The following PRR16 variants were observed in gnomAD, a reference collection of about 807,000 sequenced individuals.
PRR16 encodes the protein proline rich 16.
PRR16 carries 6 observed loss-of-function variants against 18.2 expected under a neutral mutation model. That is an observed-to-expected ratio of 0.33 (90% CI 0.18 to 0.65). PRR16 has a LOEUF of 0.65. Among genes scored for constraint, PRR16 ranks in the 30% least tolerant of loss-of-function variants. The probability of loss-of-function intolerance (pLI) is 0.74; values close to 1 mark genes in which losing one functional copy is unlikely to be tolerated. For missense variants in PRR16, 412 were observed against 376.6 expected, an observed-to-expected ratio of 1.09 and a Z score of -0.78; for synonymous variants, 151 against 147.8, an observed-to-expected ratio of 1.02 and a Z score of -0.16.
chr5:120,702,868 T>C, the PRR16 span, among the ~76,000 whole-genome samples: 2 of 152,140 alleles, frequency 1.3e-5, no homozygotes, highest in South Asian at 2.1e-4. Context: ...GACCTGAGGT[T>C]GTAGGTGGAT....
At chr5:120,624,862 C>T (rs1187955981) in intron 1 of PRR16, among the ~76,000 whole-genome samples, 2 of 152,024 alleles carry the variant, frequency 1.3e-5, no homozygotes, top group African/African-American at 4.8e-5. Flanking sequence ...TGGATCTTTC[C>T]TTCACTGTTC....
chr5:120,557,967 G>C (rs1341236936), intron 1 of PRR16, among the ~76,000 whole-genome samples: 2 of 151,736 alleles, frequency 1.3e-5, no homozygotes, highest in South Asian at 2.1e-4. Flanking sequence ...ATAGGTTCTT[G>C]TTAGAAATTA....
chr5:120,712,259 T>C, the PRR16 span, among the ~76,000 whole-genome samples: 8,643 of 152,224 alleles, frequency 0.057, 316 homozygotes, highest in South Asian at 0.083. Flanking sequence ...TTTCAATATA[T>C]AATACACAAT....
chr5:120,664,263 C>A (rs1407796532), intron 1 of PRR16, among the ~76,000 whole-genome samples: 1 of 151,856 alleles, frequency 6.6e-6, no homozygotes, highest in Non-Finnish European at 1.5e-5. Flanking sequence ...CGCACCATTG[C>A]ACTCCAGCCT....
chr5:120,778,803 GA>G, the PRR16 span, among the ~76,000 whole-genome samples: 2 of 152,038 alleles, frequency 1.3e-5, no homozygotes, highest in Non-Finnish European at 2.9e-5. Context: ...AAAGCCAGAG[GA>G]AAAAAGAAGT....
chr5:120,778,897 G>A, the PRR16 span, among the ~76,000 whole-genome samples: 1 of 152,104 alleles, frequency 6.6e-6, no homozygotes, highest in Middle Eastern at 3.2e-3. Context: ...ATATTAGAGA[G>A]GGAAGTATTG....
At chr5:120,673,266 A>G (rs935598959) in intron 1 of PRR16, among the ~76,000 whole-genome samples, 1 of 152,200 alleles carries the variant, frequency 6.6e-6, no homozygotes, top group African/African-American at 2.4e-5. Flanking sequence ...TTTTTCCTAA[A>G]CAGCATTTCG....
At chr5:120,743,954 G>GC in the PRR16 span, among the ~76,000 whole-genome samples, 1,009 of 152,040 alleles carry the variant, frequency 6.6e-3, 10 homozygotes, top group African/African-American at 0.021. Context: ...TAGCAGTGTA[G>GC]CATTGGTCCT....
At chr5:120,691,316 T>C (rs1384677396), downstream of PRR16, among the ~76,000 whole-genome samples, 1 of 152,204 alleles carries the variant, frequency 6.6e-6, no homozygotes, top group East Asian at 1.9e-4. Flanking sequence ...TTACCTAATG[T>C]TGTTTTGACA....
At chr5:120,492,080 T>G (rs1287317829) in intron 1 of PRR16, among the ~76,000 whole-genome samples, 1 of 148,782 alleles carries the variant, frequency 6.7e-6, no homozygotes, top group African/African-American at 2.5e-5. Context: ...TGTTTTTTAT[T>G]TGTTTGTTTT....
chr5:120,635,605 G>A (rs765640076), intron 1 of PRR16, among the ~76,000 whole-genome samples: 4 of 152,096 alleles, frequency 2.6e-5, no homozygotes, highest in Admixed American at 6.6e-5. Flanking sequence ...AATTGGCACA[G>A]AAGGGACATA....
At chr5:120,697,847 G>T in the PRR16 span, among the ~76,000 whole-genome samples, 2 of 152,012 alleles carry the variant, frequency 1.3e-5, no homozygotes, top group Non-Finnish European at 2.9e-5. Flanking sequence ...CCTTAAGTTA[G>T]TCAAAACTTA....
chr5:120,734,211 G>A, the PRR16 span, among the ~76,000 whole-genome samples: 1 of 152,140 alleles, frequency 6.6e-6, no homozygotes, highest in Non-Finnish European at 1.5e-5. Flanking sequence ...TATTGGCTCC[G>A]GTGACCATCT....
chr5:120,542,853 A>G (rs1016311188), intron 1 of PRR16, among the ~76,000 whole-genome samples: 16 of 152,178 alleles, frequency 1.1e-4, no homozygotes, highest in African/African-American at 3.4e-4. Context: ...GATAGTGTTT[A>G]TATTATTAGC....
chr5:120,592,439 CAG>C (rs1165230891), intron 1 of PRR16, among the ~76,000 whole-genome samples: 7 of 152,198 alleles, frequency 4.6e-5, no homozygotes, highest in Non-Finnish European at 8.8e-5. Flanking sequence ...TTTGATTTGA[CAG>C]ATAGTGCTTC....
At chr5:120,793,907 G>A in the PRR16 span, among the ~76,000 whole-genome samples, 1 of 152,098 alleles carries the variant, frequency 6.6e-6, no homozygotes, top group Non-Finnish European at 1.5e-5. Flanking sequence ...GTAACACAAT[G>A]ATAATTGTGA....
chr5:120,780,780 C>T, the PRR16 span, among the ~76,000 whole-genome samples: 4 of 152,032 alleles, frequency 2.6e-5, no homozygotes, highest in Non-Finnish European at 2.9e-5. Flanking sequence ...TCCGGCCGGG[C>T]GGGCTCAAGC....
the PRR16 span, among the ~76,000 whole-genome samples, chr5:120,705,105 C>T: frequency 6.6e-6 from 1 of 151,640 alleles, no homozygotes; most frequent in South Asian, 2.1e-4. Context: ...TACATTTCAA[C>T]AATAAATTGT....
intron 1 of PRR16, among the ~76,000 whole-genome samples, chr5:120,671,454 T>G (rs1180169399): frequency 6.6e-6 from 1 of 152,142 alleles, no homozygotes; most frequent in Non-Finnish European, 1.5e-5. Flanking sequence ...TTACTTGGAA[T>G]TCATGATAAA....
Sources: allele counts gnomAD v4.1 joint callset (sites outside exome capture counted in the v4.1 genomes callset), GRCh38; gene constraint gnomAD v4.1.1; transcripts MANE v1.5; gene names NCBI Gene and HGNC (gene_info 2026-07-23, HGNC 2026-07-21).